TRMT6: variants seen among roughly 807,000 people sequenced by gnomAD.
TRMT6 encodes tRNA methyltransferase 6 non-catalytic subunit.
Under a neutral mutation model 59.0 loss-of-function variants are expected in TRMT6, and 34 were observed. The ratio of observed to expected loss-of-function variants is 0.58; its 90% CI spans 0.44 to 0.77. The LOEUF is 0.77. TRMT6 is among the 30% of genes least tolerant of loss of function. The probability of loss-of-function intolerance (pLI) is 0.00; values close to 1 mark genes in which losing one functional copy is unlikely to be tolerated. For synonymous variants in TRMT6, 217 were observed against 210.5 expected (o/e 1.03, Z -0.27); for missense variants, 575 against 604.5 (o/e 0.95, Z 0.51).
chr20:5,942,647 T>C lies in TRMT6; in HGVS notation c.807A>G (p.Thr269=). The C allele has an allele frequency of 3.1e-6, 5 of 1,613,902 alleles. No individual in the cohort carries two copies. The highest frequency in any genetic ancestry group is 4.2e-6 in the Non-Finnish European group (5 of 1,179,962). The change falls in exon 7 of 11, where the codon ACA becomes ACG. Residue 269 remains threonine, a synonymous_variant. Transcript: ENST00000203001. The part of the protein sequence containing the change: ...LNKVDSLLHG[T]FSAKMLSSEP... ...CTGAAGATAACATCTTGGCAGAAAA[T>C]GTTCCATGTAGAAGACTGTCCACTT...
At chr20:5,944,510 C>T (rs1423905247) in intron 3 of TRMT6, among the ~76,000 whole-genome samples, 1 of 152,188 alleles carries the variant, frequency 6.6e-6, no homozygotes, top group Non-Finnish European at 1.5e-5. Flanking sequence ...GTAAAGGAAA[C>T]TAATTTCTGA....
At chr20:5,949,841 T>A (rs1043723360) in intron 1 of TRMT6, among the ~76,000 whole-genome samples, 7 of 151,976 alleles carry the variant, frequency 4.6e-5, no homozygotes, top group African/African-American at 1.5e-4. Context: ...AAGGATGAGA[T>A]CCTAAAGTGA....
chr20:5,944,360 T>A, intron 3 of TRMT6, 107 bp from the exon 4 acceptor site: 2 of 628,570 alleles, frequency 3.2e-6, no homozygotes, highest in Non-Finnish European at 5.4e-6. Flanking sequence ...GATTCTCCAA[T>A]CCCTTTTCCA....
At chr20:5,945,047 C>T in intron 2 of TRMT6, 133 bp from the exon 3 acceptor site, 1 of 645,388 alleles carries the variant, frequency 1.5e-6, no homozygotes, top group South Asian at 2.0e-5. Context: ...CCCCATCACA[C>T]TATCCTTTCC....
In TRMT6 at chr20:5,943,567, C is replaced by A; in HGVS notation, c.659G>T (p.Arg220Leu). 4 of 1,614,068 alleles carry A rather than the reference C, an allele frequency of 2.5e-6. No homozygotes were observed. The highest frequency in any genetic ancestry group is 3.4e-6 in the Non-Finnish European group (4 of 1,180,002). The change falls in exon 6 of 11, where the codon CGA (arginine) becomes CTA (leucine). Residue 220 changes from arginine to leucine, a missense_variant. Arg to Leu is a moderately radical substitution (Grantham distance 102). Transcript: ENST00000203001. ...GAAATATTAAATCTTACCTCCCATT[C>A]GTTCCATCATTGCACCCAGCACCAA... ...AGLVLGAMME[R>L]MGGFGSIIQL...
chr20:5,940,995 G>A, intron 10 of TRMT6, 58 bp downstream of exon 10: 1 of 1,319,058 alleles, frequency 7.6e-7, no homozygotes, highest in South Asian at 1.2e-5. Context: ...TAGTACTACT[G>A]CAAGGAAAGT....
Position 5,942,023 on chromosome 20 carries a change from T to C in TRMT6, c.1040A>G (p.Gln347Arg). ...TTTCCTCTGCTCTTCTTGTCTCCTC[T>C]GTTTTTCCTGAATCTTCAAAAAGAA... ...GSKKDYIQEK[Q>R]RRQEEQRKRH... The change falls in exon 8 of 11, where the codon CAG (glutamine) becomes CGG (arginine). Residue 347 changes from glutamine to arginine, a missense_variant. Gln to Arg is a conservative substitution (Grantham distance 43). Transcript: ENST00000203001. The C allele has an allele frequency of 6.2e-7, 1 of 1,612,724 alleles. No individual in the cohort carries two copies. The highest frequency in any genetic ancestry group is 8.5e-7 in the Non-Finnish European group (1 of 1,179,970).
chr20:5,944,272 G>A lies in TRMT6; in HGVS notation c.367-19C>T. ...CTATTTCCTATAAGAAAAGGAGCAAGTAGATTTTCTGAAACTTTACTTTCA... is the reference window on the plus strand; with the variant it reads ...CTATTTCCTATAAGAAAAGGAGCAAATAGATTTTCTGAAACTTTACTTTCA... On this transcript the variant is annotated intron_variant, in intron 3 of 10. Transcript: ENST00000203001. 1 of 1,433,306 alleles carries A rather than the reference G, an allele frequency of 7.0e-7. No individual in the cohort carries two copies. The highest frequency in any genetic ancestry group is 9.5e-7 in the Non-Finnish European group (1 of 1,054,532). The allele number at this position is 1,433,306 out of a possible 1,614,324, so 88.8% of individuals were successfully genotyped here. A position where few individuals can be genotyped will look rare whatever the true frequency, so the allele number is the denominator to read the frequency against.
At chr20:5,944,567 G>C (rs2088688388) in intron 3 of TRMT6, among the ~76,000 whole-genome samples, 1 of 152,132 alleles carries the variant, frequency 6.6e-6, no homozygotes, top group Admixed American at 6.5e-5. Context: ...GTTAAATCCT[G>C]ATATGCACTG....
intron 10 of TRMT6, among the ~76,000 whole-genome samples, chr20:5,940,226 T>C (rs1344339666): frequency 6.6e-6 from 1 of 152,196 alleles, no homozygotes; most frequent in African/African-American, 2.4e-5. Context: ...CCTCTCCCCT[T>C]ATCTTTCTAA....
rs1414252724 is a variant in TRMT6 at position 5,942,305 on chromosome 20, T to C, written c.1026+123A>G. 6 of 914,754 alleles carry C rather than the reference T, an allele frequency of 6.6e-6. No individual in the cohort carries two copies. In the African/African-American group the frequency reaches 9.9e-5, roughly 15 times the overall value. The allele number at this position is 914,754 out of a possible 1,614,324, so 56.7% of individuals were successfully genotyped here. On this transcript the variant is annotated intron_variant, in intron 7 of 10. Transcript: ENST00000203001. ...TGTATACATGTACACACACTCGTTC[T>C]CTGTTTTGATAGTTATCATCTTGGG...
rs1195609642 is a variant in TRMT6 at position 5,942,655 on chromosome 20, G to A, written c.799C>T (p.His267Tyr). Residue 267 changes from histidine to tyrosine, a missense_variant, in exon 7 of 11, where the codon CAT becomes TAT. Transcript: ENST00000203001. ...FPLNKVDSLL[H>Y]GTFSAKMLSS... is the part of the protein sequence containing the mutation. ...AACATCTTGGCAGAAAATGTTCCAT[G>A]TAGAAGACTGTCCACTTTGTTGAGA... The A allele has an allele frequency of 1.7e-5, 28 of 1,613,966 alleles. No homozygotes were observed. In the Admixed American group the frequency reaches 4.7e-4, roughly 27 times the overall value.
At chr20:5,941,557 T>C (rs951690281) in intron 8 of TRMT6, 1 of 574,710 alleles carries the variant, frequency 1.7e-6, no homozygotes, top group Non-Finnish European at 3.1e-6. Flanking sequence ...TTGTGGTACT[T>C]GGCAACTCTA....
Position 5,941,855 on chromosome 20 carries a change from T to G in TRMT6, c.1112+96A>C, listed in dbSNP as rs1051694172. ...ACAAAATCCTCATCTCGGGTCCCAC[T>G]AGAGTCAAAGCAGACAAGGAGAAAG... On this transcript the variant is annotated intron_variant, in intron 8 of 10. Coordinates refer to ENST00000203001, the MANE Select transcript of TRMT6 (RefSeq NM_015939.5). 2.7e-6 allele frequency: 3 copies of G among 1,090,962 alleles called. No homozygotes were observed. The African/African-American group carries it at 4.7e-5, about 17-fold the overall frequency. 67.6% of individuals were successfully genotyped at this position (1,090,962 alleles called of 1,614,324 possible).
intron 10 of TRMT6, among the ~76,000 whole-genome samples, chr20:5,940,245 C>T (rs1883809): frequency 0.014 from 2,195 of 152,286 alleles, 43 homozygotes; most frequent in African/African-American, 0.043. Context: ...AAGGCATTTC[C>T]CTCAATAAAT....
intron 9 of TRMT6, 39 bp downstream of exon 9, chr20:5,941,204 C>G: frequency 6.2e-7 from 1 of 1,607,102 alleles, no homozygotes; most frequent in South Asian, 1.1e-5. Context: ...AATCAACATT[C>G]AGACATAAGA....
In TRMT6 at chr20:5,942,796, T is replaced by C. The variant is rs368311474; in HGVS notation, c.668-10A>G. 79 of 1,601,944 alleles carry C rather than the reference T, an allele frequency of 4.9e-5. No individual in the cohort carries two copies. The highest frequency in any genetic ancestry group is 5.9e-5 in the Non-Finnish European group (69 of 1,172,954). On this transcript the variant is annotated splice_polypyrimidine_tract_variant and intron_variant, in intron 6 of 10. Coordinates refer to ENST00000203001, the MANE Select transcript of TRMT6 (RefSeq NM_015939.5). ...ATAATGGAGCCAAAACCTGAACAGA[T>C]AAAAGAAACAAACATCTGCCCGTGG...
rs574762537 is a variant in TRMT6 at position 5,941,271 on chromosome 20, G to A, written c.1187C>T (p.Pro396Leu). Residue 396 changes from proline (P) to leucine (L), a missense_variant, in exon 9 of 11, where the codon CCG (proline) becomes CTG (leucine). Physicochemically the swap from Pro to Leu is moderately conservative, Grantham distance 98 (BLOSUM62 -3). Transcript: ENST00000203001. ...TTTGTACTGACAGTAGACCACAAACGGCCTTGAAGGGGCCACAAAGTCCAG... is the reference window on the plus strand; with the variant it reads ...TTTGTACTGACAGTAGACCACAAACAGCCTTGAAGGGGCCACAAAGTCCAG... ...SLLDFVAPSR[P>L]FVVYCQYKEP... The A allele has an allele frequency of 5.6e-6, 9 of 1,614,114 alleles. No homozygotes were observed. Among genetic ancestry groups the A allele is most frequent in the South Asian group, 3.3e-5 (3 of 91,080 alleles).
At chr20:5,943,218 T>C (rs1416571870) in intron 6 of TRMT6, among the ~76,000 whole-genome samples, 1 of 152,030 alleles carries the variant, frequency 6.6e-6, no homozygotes, top group Admixed American at 6.5e-5. Flanking sequence ...TCCCACTCAA[T>C]CCCTTCAATT....
Sources: allele counts gnomAD v4.1 joint callset (sites outside exome capture counted in the v4.1 genomes callset), GRCh38; gene constraint gnomAD v4.1.1; transcripts MANE v1.5; gene names NCBI Gene and HGNC (gene_info 2026-07-23, HGNC 2026-07-21).